Variants in MGMT observed in about 807,000 individuals in gnomAD.
The protein encoded by MGMT is methylated-DNA--protein-cysteine methyltransferase.
In MGMT, 14 loss-of-function variants were observed where a neutral mutation model predicts 15.9. That is an observed-to-expected ratio of 0.88 (90% CI 0.58 to 1.37). MGMT has a LOEUF of 1.37. MGMT is among the 40% of genes most tolerant of loss of function. MGMT has a pLI of 0.00. For synonymous variants in MGMT, 130 were observed against 118.2 expected (o/e 1.10, Z -0.65); for missense variants, 282 against 268.1 (o/e 1.05, Z -0.36).
chr10:129,491,213 T>A (rs1390648110), intron 1 of MGMT, among the ~76,000 whole-genome samples: 1 of 152,150 alleles, frequency 6.6e-6, no homozygotes, highest in Non-Finnish European at 1.5e-5. Context: ...GGTCCATTTT[T>A]AAACACTAAT....
At chr10:129,652,761 C>T (rs1291494726) in intron 2 of MGMT, among the ~76,000 whole-genome samples, 1 of 152,202 alleles carries the variant, frequency 6.6e-6, no homozygotes, top group Non-Finnish European at 1.5e-5. Context: ...TGGGAGGCCT[C>T]AGTGCCTGTT....
chr10:129,623,500 T>C (rs1208774198), intron 2 of MGMT, among the ~76,000 whole-genome samples: 6 of 152,136 alleles, frequency 3.9e-5, no homozygotes, highest in African/African-American at 1.4e-4. Flanking sequence ...TTCTTTTCAG[T>C]TTCTAACATA....
intron 2 of MGMT, among the ~76,000 whole-genome samples, chr10:129,543,647 T>A (rs1478342253): frequency 1.3e-5 from 2 of 151,936 alleles, no homozygotes; most frequent in Admixed American, 1.3e-4. Flanking sequence ...TTTAAACAAG[T>A]GTCACTGAGA....
intron 3 of MGMT, among the ~76,000 whole-genome samples, chr10:129,720,711 CTCTG>C (rs1429877569): frequency 9.8e-5 from 15 of 152,352 alleles, no homozygotes; most frequent in South Asian, 2.1e-4. Context: ...GAGCTTTCTT[CTCTG>C]TCTGAGCACT....
At chr10:129,712,731 T>A (rs1035698568) in intron 3 of MGMT, among the ~76,000 whole-genome samples, 2 of 151,722 alleles carry the variant, frequency 1.3e-5, no homozygotes, top group Admixed American at 6.6e-5. Context: ...GAGAAGAGAG[T>A]GGCGTCATTA....
intron 2 of MGMT, among the ~76,000 whole-genome samples, chr10:129,561,361 C>A (rs1158750489): frequency 6.6e-6 from 1 of 152,070 alleles, no homozygotes; most frequent in African/African-American, 2.4e-5. Context: ...GAAGGAGCCT[C>A]CACACCCCAG....
intron 3 of MGMT, among the ~76,000 whole-genome samples, chr10:129,747,296 GCA>G (rs1004865213): frequency 1.1e-4 from 16 of 152,008 alleles, no homozygotes; most frequent in African/African-American, 3.4e-4. Flanking sequence ...TGCTTTTTTT[GCA>G]CAGTTAGGTA....
At chr10:129,489,429 T>G (rs1011565888) in intron 1 of MGMT, among the ~76,000 whole-genome samples, 14 of 151,748 alleles carry the variant, frequency 9.2e-5, no homozygotes, top group Non-Finnish European at 1.5e-4. Context: ...ATTTTCCTCT[T>G]CAGGAGTTTC....
intron 1 of MGMT, among the ~76,000 whole-genome samples, chr10:129,497,354 G>A (rs1455116882): frequency 6.6e-6 from 1 of 152,170 alleles, no homozygotes; most frequent in Non-Finnish European, 1.5e-5. Context: ...AGGGCGTGGT[G>A]AGGGCCCTGC....
At position 129,556,723 on chromosome 10, in the gene MGMT, A is replaced by T. The variant is rs368390241; in HGVS notation, c.125+20346A>T. Among the ~76,000 whole-genome samples, 1 of 152,242 alleles carries T rather than the reference A, an allele frequency of 6.6e-6. No individual in the cohort carries two copies. Among genetic ancestry groups the T allele is most frequent in the Admixed American group, 6.5e-5 (1 of 15,292 alleles). On this transcript the variant is annotated intron_variant, in intron 2 of 4. Coordinates refer to ENST00000651593, the MANE Select transcript of MGMT (RefSeq NM_002412.5). The surrounding 1 kb of genome is among the most constrained non-coding windows in gnomAD (Gnocchi z 4.3). ...ATGATGAAAATGGTATTTTACACATATTTGAAAAGAAAGGTTTGAGAAGGC... is the reference window on the plus strand; with the variant it reads ...ATGATGAAAATGGTATTTTACACATTTTTGAAAAGAAAGGTTTGAGAAGGC...
chr10:129,571,967 A>G (rs556009309), intron 2 of MGMT, among the ~76,000 whole-genome samples: 6 of 152,188 alleles, frequency 3.9e-5, no homozygotes, highest in Non-Finnish European at 8.8e-5. Context: ...GTGCATTTTA[A>G]TTGATTGTAC....
chr10:129,668,049 T>C (rs1207278903), intron 2 of MGMT, among the ~76,000 whole-genome samples: 2 of 152,218 alleles, frequency 1.3e-5, no homozygotes, highest in African/African-American at 4.8e-5. Context: ...ATTTTAATTG[T>C]GTCTTGCTGA....
chr10:129,521,415 C>CA (rs1377674253), intron 1 of MGMT, among the ~76,000 whole-genome samples: 1 of 152,182 alleles, frequency 6.6e-6, no homozygotes, highest in African/African-American at 2.4e-5. Context: ...CAGAGACCTG[C>CA]AGTGTGAAGA....
intron 2 of MGMT, among the ~76,000 whole-genome samples, chr10:129,665,614 A>AG (rs1847650373): frequency 6.6e-6 from 1 of 152,068 alleles, no homozygotes; most frequent in African/African-American, 2.4e-5. Flanking sequence ...GATGGGATTG[A>AG]GGGGGAAAGA....
intron 4 of MGMT, among the ~76,000 whole-genome samples, chr10:129,763,502 C>T (rs1321410305): frequency 6.6e-6 from 1 of 152,130 alleles, no homozygotes; most frequent in Non-Finnish European, 1.5e-5. Flanking sequence ...TCTGTCCTGG[C>T]CTCTGCATTG....
At chr10:129,678,325 C>T (rs1847808817) in intron 2 of MGMT, among the ~76,000 whole-genome samples, 1 of 151,958 alleles carries the variant, frequency 6.6e-6, no homozygotes, top group South Asian at 2.1e-4. Flanking sequence ...GGGCTGCTGT[C>T]AGGGACACTT....
intron 3 of MGMT, among the ~76,000 whole-genome samples, chr10:129,724,060 C>T (rs908903116): frequency 2.6e-5 from 4 of 152,208 alleles, no homozygotes; most frequent in African/African-American, 4.8e-5. Context: ...TCCACAAAAA[C>T]GTATTCAAGA....
chr10:129,750,489 TCAA>T (rs1848740160), intron 3 of MGMT, among the ~76,000 whole-genome samples: 1 of 152,116 alleles, frequency 6.6e-6, no homozygotes, highest in South Asian at 2.1e-4. Flanking sequence ...TAAAAAATGT[TCAA>T]CAACAAGGAA....
intron 2 of MGMT, among the ~76,000 whole-genome samples, chr10:129,658,823 A>G (rs925550107): frequency 1.3e-5 from 2 of 152,126 alleles, no homozygotes; most frequent in African/African-American, 4.8e-5. Flanking sequence ...AGTGTCCTTA[A>G]CTGCTGTTCT....
Sources: allele counts gnomAD v4.1 joint callset (sites outside exome capture counted in the v4.1 genomes callset), GRCh38; gene constraint gnomAD v4.1.1; non-coding constraint Gnocchi (gnomAD v3.1); transcripts MANE v1.5; gene names NCBI Gene and HGNC (gene_info 2026-07-23, HGNC 2026-07-21).